Variants in FAM229B observed in about 807,000 individuals in gnomAD.
FAM229B encodes protein FAM229B.
FAM229B carries 2 observed loss-of-function variants against 6.7 expected under a neutral mutation model. The observed-to-expected ratio is 0.30, with a 90% CI of 0.12 to 0.94. The LOEUF is 0.94. FAM229B is among the 40% of genes least tolerant of loss of function. The pLI is 0.54. For missense variants in FAM229B, 93 were observed against 96.2 expected, an observed-to-expected ratio of 0.97 and a Z score of 0.14; for synonymous variants, 29 against 34.0, an observed-to-expected ratio of 0.85 and a Z score of 0.51.
intron 1 of FAM229B, among the ~76,000 whole-genome samples, chr6:112,095,943 T>G (rs1777319634): frequency 6.6e-6 from 1 of 152,188 alleles, no homozygotes; most frequent in Admixed American, 6.5e-5. Context: ...GGTAAGATTG[T>G]ATCCAACATC....
intron 1 of FAM229B, among the ~76,000 whole-genome samples, chr6:112,091,878 GAA>G (rs34288711): frequency 0.22 from 33,783 of 151,832 alleles, 3,932 homozygotes; most frequent in East Asian, 0.32. Flanking sequence ...AAGGGACAAA[GAA>G]ATATGAAAAA....
At chr6:112,094,845 T>C (rs1178159067) in intron 1 of FAM229B, among the ~76,000 whole-genome samples, 1 of 152,118 alleles carries the variant, frequency 6.6e-6, no homozygotes, top group Non-Finnish European at 1.5e-5. Context: ...CTTAAGGGGG[T>C]ATTTGGATAC....
At chr6:112,091,579 A>G (rs1197133276) in intron 1 of FAM229B, among the ~76,000 whole-genome samples, 1 of 152,192 alleles carries the variant, frequency 6.6e-6, no homozygotes, top group African/African-American at 2.4e-5. Context: ...CCAAGCCTCC[A>G]AAGAACCAGG....
intron 1 of FAM229B, among the ~76,000 whole-genome samples, chr6:112,088,067 C>A (rs587775803): frequency 6.6e-6 from 1 of 152,140 alleles, no homozygotes; most frequent in Non-Finnish European, 1.5e-5. Context: ...TGTAGGCTCG[C>A]TGGGAAGATT....
At chr6:112,089,643 T>G (rs1554317985) in intron 1 of FAM229B, among the ~76,000 whole-genome samples, 1 of 152,124 alleles carries the variant, frequency 6.6e-6, no homozygotes, top group African/African-American at 2.4e-5. Flanking sequence ...ACATCCACCT[T>G]AAAGGACTTA....
intron 1 of FAM229B, among the ~76,000 whole-genome samples, chr6:112,088,229 AG>A (rs1554317763): frequency 6.6e-6 from 1 of 152,218 alleles, no homozygotes; most frequent in East Asian, 1.9e-4. Flanking sequence ...GAAGTCTGAT[AG>A]AAGACACGAG....
rs1357247274 is a variant in FAM229B, at chr6:112,101,333, G to C, written c.*546G>C. 6.6e-6 allele frequency: 1 copy of C among 152,232 alleles called. No individual in the cohort carries two copies. Among genetic ancestry groups the C allele is most frequent in the Non-Finnish European group, 1.5e-5 (1 of 68,078 alleles). The allele number at this position is 152,232 out of a possible 1,614,324, so 9.4% of individuals were successfully genotyped here. A position where few individuals can be genotyped will look rare whatever the true frequency, so the allele number is the denominator to read the frequency against. On this transcript the variant is annotated 3_prime_UTR_variant, in exon 4 of 4. Transcript: ENST00000368656. The stretch of plus-strand genomic sequence containing the variant: ...AAAGTTCTTAGTCCATGGTTAATCT[G>C]CAAGGCATTTAAGCCACTTCCATAG...
At chr6:112,093,801 A>G (rs1442141177) in intron 1 of FAM229B, among the ~76,000 whole-genome samples, 2 of 152,142 alleles carry the variant, frequency 1.3e-5, no homozygotes, top group Non-Finnish European at 2.9e-5. Context: ...AACATTTACC[A>G]AGGCAGTTTA....
intron 1 of FAM229B, among the ~76,000 whole-genome samples, chr6:112,095,354 G>A (rs1554318548): frequency 6.6e-6 from 1 of 151,996 alleles, no homozygotes; most frequent in African/African-American, 2.4e-5. Flanking sequence ...AACCTGGCTG[G>A]GCACAGTGGG....
At chr6:112,099,218 A>T in intron 2 of FAM229B, 52 bp from the exon 3 acceptor site, 1 of 1,487,424 alleles carries the variant, frequency 6.7e-7, no homozygotes, top group Non-Finnish European at 9.3e-7. Context: ...CTCCACCCCC[A>T]ATATTTTAAT....
At chr6:112,089,592 A>G (rs1259385184) in intron 1 of FAM229B, among the ~76,000 whole-genome samples, 1 of 152,166 alleles carries the variant, frequency 6.6e-6, no homozygotes, top group African/African-American at 2.4e-5. Flanking sequence ...AATGAAATAA[A>G]ATGGAGATAA....
chr6:112,091,440 G>A (rs1340435339), intron 1 of FAM229B, among the ~76,000 whole-genome samples: 1 of 152,088 alleles, frequency 6.6e-6, no homozygotes, highest in Non-Finnish European at 1.5e-5. Context: ...CACATTCCCC[G>A]TATCTTGAGT....
At chr6:112,088,602 G>A (rs1180510434) in intron 1 of FAM229B, among the ~76,000 whole-genome samples, 1 of 151,830 alleles carries the variant, frequency 6.6e-6, no homozygotes, top group Non-Finnish European at 1.5e-5. Context: ...CTGGTAGCCG[G>A]TAGGTTTAAA....
At chr6:112,089,259 T>G (rs1777224823) in intron 1 of FAM229B, among the ~76,000 whole-genome samples, 1 of 151,672 alleles carries the variant, frequency 6.6e-6, no homozygotes, top group African/African-American at 2.4e-5. Flanking sequence ...TCCTATGGAC[T>G]CCTAAAATTG....
chr6:112,089,979 G>C (rs7741656), intron 1 of FAM229B, among the ~76,000 whole-genome samples: 6,504 of 152,138 alleles, frequency 0.043, 450 homozygotes, highest in African/African-American at 0.15. Flanking sequence ...CAACTTTTCA[G>C]AATAAAGAGA....
At chr6:112,097,653 T>C (rs1777344739) in intron 2 of FAM229B, among the ~76,000 whole-genome samples, 1 of 142,770 alleles carries the variant, frequency 7.0e-6, no homozygotes, top group African/African-American at 2.5e-5. Context: ...GTACTAATAG[T>C]TGAAAACAGT....
At chr6:112,097,604 T>C (rs1777343966) in intron 2 of FAM229B, among the ~76,000 whole-genome samples, 1 of 152,072 alleles carries the variant, frequency 6.6e-6, no homozygotes. Context: ...TGTGTACTAA[T>C]AGTTGAAAAC....
At chr6:112,099,546 A>G (rs2114510844) in intron 3 of FAM229B, 138 bp downstream of exon 3, 1 of 798,586 alleles carries the variant, frequency 1.3e-6, no homozygotes, top group South Asian at 2.6e-5. Flanking sequence ...GCGTATTAAC[A>G]GAGCCCAGTT....
At chr6:112,094,939 C>G (rs146498745) in intron 1 of FAM229B, among the ~76,000 whole-genome samples, 73 of 152,202 alleles carry the variant, frequency 4.8e-4, no homozygotes, top group African/African-American at 1.6e-3. Context: ...TTCCTTTTGT[C>G]TTCTGAGGTA....
Sources: allele counts gnomAD v4.1 joint callset (sites outside exome capture counted in the v4.1 genomes callset), GRCh38; gene constraint gnomAD v4.1.1; transcripts MANE v1.5; gene names NCBI Gene and HGNC (gene_info 2026-07-23, HGNC 2026-07-21).